FHL5: variants seen among roughly 807,000 people sequenced by gnomAD.
The protein encoded by FHL5 is four and a half LIM domains 5, also known as four and a half LIM domains protein 5.
A neutral mutation model predicts 32.0 loss-of-function variants in FHL5; 33 were observed. The ratio of observed to expected loss-of-function variants is 1.03; its 90% CI spans 0.78 to 1.38. The LOEUF is 1.38. FHL5 is among the 40% of genes most tolerant of loss of function. The probability of loss-of-function intolerance (pLI) is 0.00; values close to 1 mark genes in which losing one functional copy is unlikely to be tolerated. For synonymous variants in FHL5, 114 were observed against 113.6 expected (o/e 1.00, Z -0.02); for missense variants, 336 against 343.9 (o/e 0.98, Z 0.18).
intron 1 of FHL5, among the ~76,000 whole-genome samples, chr6:96,566,892 T>C (rs538912122): frequency 1.3e-5 from 2 of 152,174 alleles, no homozygotes; most frequent in African/African-American, 4.8e-5. Flanking sequence ...TATTAAACTC[T>C]TGTCAGATGA....
chr6:96,602,426 CTTTTTTTTTTTTTTTTTTTTTTTTTT>C lies in FHL5; in HGVS notation c.-12-1163_-12-1138del, dbSNP rs1168636713. 1.5e-4 allele frequency among the ~76,000 whole-genome samples: 5 copies of C among 33,704 alleles called. No individual in the cohort carries two copies. The South Asian group carries it at 4.3e-3, about 29-fold the overall frequency. The allele number at this position is 33,704 out of a possible 152,430, so 22.1% of individuals were successfully genotyped here. ...ACCTGGAAATCTATATGCGTTGTTTCTTTTTTTTTTTTTTTTTTTTTTTTTTTTTTTTTTTTTTGAGACGGAGTCTG... is the reference window on the plus strand; with the variant it reads ...ACCTGGAAATCTATATGCGTTGTTTCTTTTTTTTTTTTGAGACGGAGTCTG... On this transcript the variant is annotated intron_variant, in intron 1 of 5. Transcript: ENST00000450218.
intron 1 of FHL5, among the ~76,000 whole-genome samples, chr6:96,598,368 T>C (rs540158099): frequency 6.6e-6 from 1 of 152,308 alleles, no homozygotes; most frequent in East Asian, 1.9e-4. Context: ...GAACACACAC[T>C]GTAAGAGGAT....
intron 1 of FHL5, among the ~76,000 whole-genome samples, chr6:96,588,838 T>C (rs899027935): frequency 2.0e-5 from 3 of 151,628 alleles, no homozygotes; most frequent in Non-Finnish European, 4.4e-5. Context: ...TTGTGGCTTG[T>C]CTTTTCATTC....
At chr6:96,572,873 T>C (rs1340394847) in intron 1 of FHL5, among the ~76,000 whole-genome samples, 1 of 152,200 alleles carries the variant, frequency 6.6e-6, no homozygotes, top group African/African-American at 2.4e-5. Context: ...ATTCTCTATG[T>C]AGCCATCCTG....
In FHL5 at chr6:96,617,266, A is replaced by G. The variant is rs1413092992; in HGVS notation, c.*1494A>G. On this transcript the variant is annotated 3_prime_UTR_variant, in exon 6 of 6. Coordinates refer to ENST00000450218, the MANE Select transcript of FHL5 (RefSeq NM_001322466.2). Reference sequence around the variant, plus strand: ...CAGGAGAAGAAGCCCACATAGATATATAACTGTCTTCTCTCAGATTACACA... The same window carrying G: ...CAGGAGAAGAAGCCCACATAGATATGTAACTGTCTTCTCTCAGATTACACA... Among the ~76,000 whole-genome samples, 1 of 152,208 alleles carries G rather than the reference A, an allele frequency of 6.6e-6. No homozygotes were observed. Among genetic ancestry groups the G allele is most frequent in the East Asian group, 1.9e-4 (1 of 5,198 alleles).
At chr6:96,603,370 G>A (rs1168565233) in intron 1 of FHL5, among the ~76,000 whole-genome samples, 1 of 151,986 alleles carries the variant, frequency 6.6e-6, no homozygotes, top group Non-Finnish European at 1.5e-5. Flanking sequence ...CAGGTTTTAT[G>A]CATTTTTTTT....
chr6:96,601,717 T>C (rs374248645), intron 1 of FHL5, among the ~76,000 whole-genome samples: 1 of 152,246 alleles, frequency 6.6e-6, no homozygotes, highest in African/African-American at 2.4e-5. Flanking sequence ...AAACGACGTT[T>C]TCCATATTAA....
intron 1 of FHL5, among the ~76,000 whole-genome samples, chr6:96,568,182 G>C (rs1770401172): frequency 6.6e-6 from 1 of 151,848 alleles, no homozygotes; most frequent in African/African-American, 2.4e-5. Context: ...TTTTTATCAT[G>C]AGGGGATGTT....
intron 4 of FHL5, among the ~76,000 whole-genome samples, chr6:96,610,348 T>C (rs1214054863): frequency 1.3e-5 from 2 of 152,200 alleles, no homozygotes; most frequent in African/African-American, 2.4e-5. Flanking sequence ...TGGCTTCTCA[T>C]ATTATTAATT....
intron 1 of FHL5, among the ~76,000 whole-genome samples, chr6:96,582,462 A>G (rs1770714456): frequency 6.6e-6 from 1 of 152,164 alleles, no homozygotes; most frequent in Non-Finnish European, 1.5e-5. Context: ...ACTGTATTTT[A>G]CTTCTATTTC....
intron 1 of FHL5, among the ~76,000 whole-genome samples, chr6:96,588,413 T>C (rs1233897311): frequency 6.6e-6 from 1 of 152,184 alleles, no homozygotes; most frequent in African/African-American, 2.4e-5. Flanking sequence ...TTTCACCATG[T>C]TGGTCAGGCT....
At chr6:96,579,436 T>A (rs1770652942) in intron 1 of FHL5, among the ~76,000 whole-genome samples, 1 of 152,218 alleles carries the variant, frequency 6.6e-6, no homozygotes, top group African/African-American at 2.4e-5. Flanking sequence ...AATGTTGGCA[T>A]TTGTATAATT....
At chr6:96,586,689 A>G (rs1770805890) in intron 1 of FHL5, among the ~76,000 whole-genome samples, 1 of 152,234 alleles carries the variant, frequency 6.6e-6, no homozygotes, top group Non-Finnish European at 1.5e-5. Flanking sequence ...TTGCAAGGAA[A>G]AAATTAATCC....
intron 1 of FHL5, among the ~76,000 whole-genome samples, chr6:96,594,438 T>C (rs1369759852): frequency 6.6e-6 from 1 of 151,530 alleles, no homozygotes; most frequent in South Asian, 2.1e-4. Flanking sequence ...TTAGTTTCTG[T>C]CAAGTGTTGT....
In FHL5 at chr6:96,618,459, T is replaced by C. The variant is rs1329573559; in HGVS notation, c.*2687T>C. On this transcript the variant is annotated 3_prime_UTR_variant, in exon 6 of 6. Transcript: ENST00000450218. ...GGATAAAAAGTGACATAACCGGCCA[T>C]AGAAAGTTACCAACTGTTCATAAGT... Among the ~76,000 whole-genome samples, 2 of 152,230 alleles carry C rather than the reference T, an allele frequency of 1.3e-5. No homozygotes were observed. Among genetic ancestry groups the C allele is most frequent in the Non-Finnish European group, 2.9e-5 (2 of 68,034 alleles).
intron 1 of FHL5, among the ~76,000 whole-genome samples, chr6:96,595,939 A>G (rs1296274226): frequency 6.6e-6 from 1 of 152,026 alleles, no homozygotes; most frequent in Non-Finnish European, 1.5e-5. Flanking sequence ...ATTTTTACTT[A>G]TACTGCTTGT....
rs1244171277 is a variant in FHL5, at chr6:96,602,413, A to T, written c.-12-1189A>T. ...ATGCCTAATTAAAACCTGGAAATCTATATGCGTTGTTTCTTTTTTTTTTTT... is the reference window on the plus strand; with the variant it reads ...ATGCCTAATTAAAACCTGGAAATCTTTATGCGTTGTTTCTTTTTTTTTTTT... On this transcript the variant is annotated intron_variant, in intron 1 of 5. Transcript: ENST00000450218. 4.6e-5 allele frequency among the ~76,000 whole-genome samples: 5 copies of T among 108,788 alleles called. 1 individual carries two copies. The highest frequency in any genetic ancestry group is 1.1e-4 in the Admixed American group (1 of 9,486). 71.4% of individuals were successfully genotyped at this position (108,788 alleles called of 152,430 possible).
intron 4 of FHL5, among the ~76,000 whole-genome samples, chr6:96,609,970 A>G (rs1016971638): frequency 1.3e-5 from 2 of 152,212 alleles, no homozygotes; most frequent in East Asian, 3.8e-4. Flanking sequence ...CTGAAAAAAC[A>G]CTTAAGAAAT....
chr6:96,569,772 C>T (rs913043771), intron 1 of FHL5, among the ~76,000 whole-genome samples: 1 of 121,032 alleles, frequency 8.3e-6, no homozygotes, highest in Non-Finnish European at 1.9e-5. Flanking sequence ...TATTTTTATT[C>T]TATATGTGTC....
Sources: allele counts gnomAD v4.1 joint callset (sites outside exome capture counted in the v4.1 genomes callset), GRCh38; gene constraint gnomAD v4.1.1; transcripts MANE v1.5; gene names NCBI Gene and HGNC (gene_info 2026-07-23, HGNC 2026-07-21).